The following GOLGA4 variants were observed in gnomAD, a reference collection of about 807,000 sequenced individuals.
The protein encoded by GOLGA4 is golgin subfamily A member 4.
GOLGA4 carries 169 observed loss-of-function variants against 265.9 expected under a neutral mutation model. The ratio of observed to expected loss-of-function variants is 0.64; its 90% CI spans 0.56 to 0.72. GOLGA4 has a LOEUF of 0.72. Among genes scored for constraint, GOLGA4 ranks in the 30% least tolerant of loss-of-function variants. The pLI is 0.00. For synonymous variants in GOLGA4, 923 were observed against 855.8 expected (o/e 1.08, Z -1.37); for missense variants, 2,482 against 2,483.4 (o/e 1.00, Z 0.01).
At chr3:37,297,995 C>T (rs1373928866) in intron 7 of GOLGA4, among the ~76,000 whole-genome samples, 2 of 151,834 alleles carry the variant, frequency 1.3e-5, no homozygotes, top group Admixed American at 6.6e-5. Flanking sequence ...TGCCACTGCA[C>T]TCCAGTCTGG....
At chr3:37,248,188 C>T (rs1382386806) in intron 1 of GOLGA4, among the ~76,000 whole-genome samples, 1 of 152,158 alleles carries the variant, frequency 6.6e-6, no homozygotes. Context: ...GTTACTCAGG[C>T]AGTCTTGAAC....
intron 7 of GOLGA4, among the ~76,000 whole-genome samples, chr3:37,296,925 T>C (rs552193226): frequency 1.3e-5 from 2 of 152,314 alleles, no homozygotes; most frequent in African/African-American, 4.8e-5. Context: ...CACATTTTCA[T>C]TGTAATTGAA....
At chr3:37,285,145 A>G (rs1367974545) in intron 3 of GOLGA4, among the ~76,000 whole-genome samples, 1 of 147,186 alleles carries the variant, frequency 6.8e-6, no homozygotes, top group Non-Finnish European at 1.5e-5. Context: ...TAGCCTTCAG[A>G]TGAGTAACTT....
At chr3:37,329,251 A>C (rs1489333253) in intron 16 of GOLGA4, 158 bp downstream of exon 16, 2 of 518,738 alleles carry the variant, frequency 3.9e-6, no homozygotes, top group African/African-American at 4.0e-5. Context: ...ATGCAGATTT[A>C]TAAAGTTGAG....
At position 37,324,014 on chromosome 3, in the gene GOLGA4, C is replaced by A. The variant is rs1457679058; in HGVS notation, c.2128C>A (p.Leu710Met). The A allele has an allele frequency of 6.2e-7, 1 of 1,613,488 alleles. No homozygotes were observed. The highest frequency in any genetic ancestry group is 8.5e-7 in the Non-Finnish European group (1 of 1,179,796). ...RHKLEEELSV[L>M]KDQTDKMKQE... ...CAAACTAGAAGAGGAACTTTCTGTTCTGAAAGATCAAACAGATAAAATGAA... is the reference window on the plus strand; with the variant it reads ...CAAACTAGAAGAGGAACTTTCTGTTATGAAAGATCAAACAGATAAAATGAA... Residue 710 changes from leucine (L) to methionine (M), a missense_variant, in exon 14 of 24, where the codon CTG becomes ATG. Around this residue, in one of 3 missense-constraint regions of GOLGA4, gnomAD observed 1,536 missense variants for 1,483.7 expected, o/e 1.04. Coordinates refer to ENST00000361924, the MANE Select transcript of GOLGA4 (RefSeq NM_002078.5).
Position 37,255,839 on chromosome 3 carries a change from A to G in GOLGA4, c.162+4355A>G, listed in dbSNP as rs574926687. 7.1e-4 allele frequency among the ~76,000 whole-genome samples: 102 copies of G among 143,658 alleles called. No individual in the cohort carries two copies. In the Middle Eastern group the frequency reaches 0.014, roughly 20 times the overall value. The allele number at this position is 143,658 out of a possible 152,430, so 94.2% of individuals were successfully genotyped here. A position where few individuals can be genotyped will look rare whatever the true frequency, so the allele number is the denominator to read the frequency against. ...ACAATCTCAGCACTACGCAGCTTCAACCTCCTGAGCTCAAGTGATCCATCC... is the reference window on the plus strand; with the variant it reads ...ACAATCTCAGCACTACGCAGCTTCAGCCTCCTGAGCTCAAGTGATCCATCC... On this transcript the variant is annotated intron_variant, in intron 2 of 23. Coordinates refer to ENST00000361924, the MANE Select transcript of GOLGA4 (RefSeq NM_002078.5).
chr3:37,268,739 C>T (rs970884073), intron 2 of GOLGA4, among the ~76,000 whole-genome samples: 6 of 152,192 alleles, frequency 3.9e-5, no homozygotes, highest in African/African-American at 1.2e-4. Context: ...ACCTGGCTAA[C>T]TTTTCTATTT....
chr3:37,288,261 C>G (rs1210403076), intron 4 of GOLGA4, among the ~76,000 whole-genome samples: 1 of 151,026 alleles, frequency 6.6e-6, no homozygotes, highest in Non-Finnish European at 1.5e-5. Flanking sequence ...ATCACCATGC[C>G]CGGCTAATTT....
chr3:37,303,293 C>T (rs1413284708), intron 10 of GOLGA4, among the ~76,000 whole-genome samples: 1 of 152,192 alleles, frequency 6.6e-6, no homozygotes, highest in African/African-American at 2.4e-5. Flanking sequence ...GGAAGTCAAA[C>T]TTAGAAGCAA....
Position 37,282,260 on chromosome 3 carries a change from A to G in GOLGA4, c.465A>G (p.Gly155=), listed in dbSNP as rs1465471616. The part of the protein sequence containing the change: ...RMERSLSSYR[G]KYSELVTAYQ... ...AACGAAGCTTAAGTAGCTACAGGGG[A>G]AAATATTCTGAGGTAGGAGCATGAC... The change falls in exon 3 of 24, where the codon GGA becomes GGG. Residue 155 remains glycine (G), a synonymous_variant. Transcript: ENST00000361924. 7 of 1,613,132 alleles carry G rather than the reference A, an allele frequency of 4.3e-6. No individual in the cohort carries two copies. The highest frequency in any genetic ancestry group is 5.9e-6 in the Non-Finnish European group (7 of 1,179,320).
At chr3:37,254,432 AAAT>A (rs2150612550) in intron 2 of GOLGA4, among the ~76,000 whole-genome samples, 1 of 152,166 alleles carries the variant, frequency 6.6e-6, no homozygotes, top group South Asian at 2.1e-4. Context: ...GTCAACATCT[AAAT>A]AAAGGTTTTT....
chr3:37,284,167 C>T (rs1220174266), intron 3 of GOLGA4, among the ~76,000 whole-genome samples: 1 of 152,148 alleles, frequency 6.6e-6, no homozygotes, highest in Non-Finnish European at 1.5e-5. Context: ...CACACAACCC[C>T]CCTCCACCCC....
chr3:37,245,807 G>A (rs2096717829), intron 1 of GOLGA4, among the ~76,000 whole-genome samples: 1 of 151,902 alleles, frequency 6.6e-6, no homozygotes, highest in Admixed American at 6.6e-5. Flanking sequence ...CTGGTGATCC[G>A]CCAGCCCCGG....
At chr3:37,250,456 A>G (rs897419695) in intron 1 of GOLGA4, 2 of 152,224 alleles carry the variant, frequency 1.3e-5, no homozygotes, top group African/African-American at 2.4e-5. Flanking sequence ...GTATATTTGT[A>G]TACTATTCCT....
intron 2 of GOLGA4, among the ~76,000 whole-genome samples, chr3:37,255,904 C>T (rs1384010336): frequency 6.6e-6 from 1 of 152,076 alleles, no homozygotes; most frequent in African/African-American, 2.4e-5. Flanking sequence ...AGGCATGAGT[C>T]ACCGCACAGG....
At chr3:37,303,206 C>T (rs1458896418) in intron 10 of GOLGA4, among the ~76,000 whole-genome samples, 1 of 152,138 alleles carries the variant, frequency 6.6e-6, no homozygotes, top group Non-Finnish European at 1.5e-5. Flanking sequence ...CTTTGATATA[C>T]AGAGTAACAG....
At chr3:37,349,381 G>A (rs769352381) in intron 21 of GOLGA4, among the ~76,000 whole-genome samples, 61 of 152,148 alleles carry the variant, frequency 4.0e-4, no homozygotes, top group Non-Finnish European at 6.9e-4. Context: ...CATGGAGGAG[G>A]TGGTGTGTAT....
At chr3:37,362,588 G>A (rs188947866) in intron 23 of GOLGA4, among the ~76,000 whole-genome samples, 7 of 151,610 alleles carry the variant, frequency 4.6e-5, no homozygotes, top group Admixed American at 4.6e-4. Flanking sequence ...CCTGGCTGGA[G>A]GGCAGTAGTG....
At chr3:37,309,264 A>T (rs2096916227) in intron 10 of GOLGA4, among the ~76,000 whole-genome samples, 1 of 150,744 alleles carries the variant, frequency 6.6e-6, no homozygotes, top group South Asian at 2.1e-4. Context: ...AAATAAAAAT[A>T]ACAATTATAG....
Sources: allele counts gnomAD v4.1 joint callset (sites outside exome capture counted in the v4.1 genomes callset), GRCh38; gene constraint gnomAD v4.1.1; regional missense constraint gnomAD v4.1.1; transcripts MANE v1.5; gene names NCBI Gene and HGNC (gene_info 2026-07-23, HGNC 2026-07-21).